SCFD2: variants seen among roughly 807,000 people sequenced by gnomAD.
SCFD2 encodes the protein sec1 family domain-containing protein 2.
A neutral mutation model predicts 58.9 loss-of-function variants in SCFD2; 54 were observed. That is an observed-to-expected ratio of 0.92 (90% CI 0.74 to 1.15). The LOEUF (loss-of-function observed/expected upper bound fraction) is 1.15. Among genes scored for constraint, SCFD2 ranks in the 50% most tolerant of loss-of-function variants. The pLI is 0.00. For synonymous variants in SCFD2, 321 were observed against 335.9 expected (o/e 0.96, Z 0.49); for missense variants, 805 against 836.6 (o/e 0.96, Z 0.47).
chr4:52,965,482 C>G (rs1408677795), intron 5 of SCFD2, among the ~76,000 whole-genome samples: 2 of 152,182 alleles, frequency 1.3e-5, no homozygotes. Flanking sequence ...CCCGTAACTT[C>G]CTTATTCTTC....
intron 2 of SCFD2, among the ~76,000 whole-genome samples, chr4:53,327,739 A>T (rs1733254033): frequency 6.6e-6 from 1 of 152,216 alleles, no homozygotes; most frequent in African/African-American, 2.4e-5. Flanking sequence ...ACTGTTCAAG[A>T]AGTAGTTACA....
At chr4:53,311,279 CCT>C (rs1167304540) in intron 3 of SCFD2, among the ~76,000 whole-genome samples, 2 of 152,142 alleles carry the variant, frequency 1.3e-5, no homozygotes, top group African/African-American at 4.8e-5. Flanking sequence ...TGCTAACAAT[CCT>C]CTGTTTTTTT....
chr4:53,239,513 T>C (rs1287560027), intron 4 of SCFD2, among the ~76,000 whole-genome samples: 1 of 152,114 alleles, frequency 6.6e-6, no homozygotes, highest in Non-Finnish European at 1.5e-5. Flanking sequence ...AGACGGAGTT[T>C]CGCTCTTGTT....
At chr4:52,877,801 C>T (rs539905930) in intron 8 of SCFD2, among the ~76,000 whole-genome samples, 2 of 152,302 alleles carry the variant, frequency 1.3e-5, no homozygotes, top group South Asian at 2.1e-4. Context: ...GCATTACTCA[C>T]AGGCTTAAAA....
At chr4:53,075,691 G>A (rs1723951771) in intron 5 of SCFD2, among the ~76,000 whole-genome samples, 1 of 152,170 alleles carries the variant, frequency 6.6e-6, no homozygotes, top group Non-Finnish European at 1.5e-5. Flanking sequence ...CAGCCAATTG[G>A]TGGAGCAGTC....
rs563409102 is a variant in SCFD2 at position 53,029,945 on chromosome 4, A to T, written c.1562-109075T>A. Among the ~76,000 whole-genome samples, 4 of 152,356 alleles carry T rather than the reference A, an allele frequency of 2.6e-5. No homozygotes were observed. The East Asian group carries it at 5.8e-4, about 22-fold the overall frequency. Reference sequence around the variant, plus strand: ...AGATTTCTTAGATTTCTTAGACATGACACCAAAATCATAATCCCTTTTAAA... The same window carrying T: ...AGATTTCTTAGATTTCTTAGACATGTCACCAAAATCATAATCCCTTTTAAA... On this transcript the variant is annotated intron_variant, in intron 5 of 8. Transcript: ENST00000401642.
intron 4 of SCFD2, among the ~76,000 whole-genome samples, chr4:53,255,580 A>G (rs1730581981): frequency 6.6e-6 from 1 of 152,210 alleles, no homozygotes; most frequent in South Asian, 2.1e-4. Context: ...TTCTTAGTAC[A>G]GAAGAAAATG....
At chr4:53,056,138 T>C (rs1472667996) in intron 5 of SCFD2, among the ~76,000 whole-genome samples, 2 of 151,878 alleles carry the variant, frequency 1.3e-5, no homozygotes, top group African/African-American at 2.4e-5. Flanking sequence ...TTTTTTTTTT[T>C]TTTTCAGGTC....
intron 2 of SCFD2, among the ~76,000 whole-genome samples, chr4:53,337,434 AG>A (rs1438453470): frequency 6.6e-6 from 1 of 152,190 alleles, no homozygotes; most frequent in African/African-American, 2.4e-5. Flanking sequence ...TGAACTTGGG[AG>A]GAGGATATTC....
rs543656623 is a variant in SCFD2 at position 53,139,870 on chromosome 4, C to A, written c.1561+5463G>T. The stretch of plus-strand genomic sequence containing the variant: ...ATTTTGTTCTATACTAAGAAAAATT[C>A]TTCTGCCTTGGGATGCTGTTAATCT... On this transcript the variant is annotated intron_variant, in intron 5 of 8. Coordinates refer to ENST00000401642, the MANE Select transcript of SCFD2 (RefSeq NM_152540.4). Among the ~76,000 whole-genome samples, 132 of 152,282 alleles carry A rather than the reference C, an allele frequency of 8.7e-4. 1 individual carries two copies. The highest frequency in any genetic ancestry group is 2.9e-3 in the African/African-American group (121 of 41,556).
chr4:52,916,760 C>G (rs991844412), intron 6 of SCFD2, among the ~76,000 whole-genome samples: 3 of 152,130 alleles, frequency 2.0e-5, no homozygotes, highest in Non-Finnish European at 4.4e-5. Context: ...TTCTGTGTAG[C>G]CCATGTCCTA....
intron 5 of SCFD2, among the ~76,000 whole-genome samples, chr4:52,953,392 C>T (rs924929884): frequency 6.6e-6 from 1 of 152,198 alleles, no homozygotes; most frequent in Non-Finnish European, 1.5e-5. Flanking sequence ...GGGAAGGGAC[C>T]TCTACTATGT....
At chr4:53,141,471 C>T (rs1163952158) in intron 5 of SCFD2, among the ~76,000 whole-genome samples, 1 of 152,054 alleles carries the variant, frequency 6.6e-6, no homozygotes, top group Non-Finnish European at 1.5e-5. Context: ...AAACACACAA[C>T]GAGTCACTAC....
intron 4 of SCFD2, among the ~76,000 whole-genome samples, chr4:53,237,362 C>A (rs1208088549): frequency 2.0e-5 from 3 of 151,820 alleles, no homozygotes; most frequent in Admixed American, 6.5e-5. Context: ...GGCTACACCT[C>A]CCAGACGGGG....
chr4:53,084,602 C>T (rs544087186), intron 5 of SCFD2, among the ~76,000 whole-genome samples: 2 of 152,222 alleles, frequency 1.3e-5, no homozygotes, highest in East Asian at 1.9e-4. Flanking sequence ...GATAAATGTC[C>T]ATATTAATAT....
At chr4:53,256,501 C>G (rs903836678) in intron 4 of SCFD2, among the ~76,000 whole-genome samples, 4 of 152,158 alleles carry the variant, frequency 2.6e-5, no homozygotes, top group Non-Finnish European at 5.9e-5. Context: ...AGGCTGCAAT[C>G]TCGGCACTTT....
At chr4:53,130,567 C>G (rs1468652171) in intron 5 of SCFD2, among the ~76,000 whole-genome samples, 2 of 151,968 alleles carry the variant, frequency 1.3e-5, no homozygotes, top group Admixed American at 1.3e-4. Flanking sequence ...TTCTTCAAAT[C>G]CCTTCCCCCA....
chr4:52,997,471 C>A (rs764900471), intron 5 of SCFD2, among the ~76,000 whole-genome samples: 13 of 152,216 alleles, frequency 8.5e-5, no homozygotes, highest in Non-Finnish European at 1.8e-4. Flanking sequence ...AAAGACAAGC[C>A]TCCTACTTGT....
intron 2 of SCFD2, among the ~76,000 whole-genome samples, chr4:53,327,837 T>G (rs971702228): frequency 6.6e-6 from 1 of 152,168 alleles, no homozygotes; most frequent in Non-Finnish European, 1.5e-5. Context: ...GTTCTCAATA[T>G]ACAGAGATTA....
Sources: gnomAD v4.1 joint callset for allele counts (sites outside exome capture counted in the v4.1 genomes callset) on GRCh38, gnomAD v4.1.1 for gene constraint, MANE v1.5 for transcripts, NCBI Gene and HGNC (gene_info 2026-07-23, HGNC 2026-07-21) for gene names.